Variants in CSMD1 observed in about 807,000 individuals in gnomAD.
The protein encoded by CSMD1 is CUB and sushi domain-containing protein 1.
A neutral mutation model predicts 417.5 loss-of-function variants in CSMD1; 213 were observed. That is an observed-to-expected ratio of 0.51 (90% CI 0.46 to 0.57). CSMD1 has a LOEUF of 0.57. Among genes scored for constraint, CSMD1 ranks in the 20% least tolerant of loss-of-function variants. The probability of loss-of-function intolerance (pLI) is 0.00; values close to 1 mark genes in which losing one functional copy is unlikely to be tolerated. For missense variants in CSMD1, 6,923 were observed against 4,529.7 expected (o/e 1.53, Z -15.17); for synonymous variants, 2,862 against 1,736.8 (o/e 1.65, Z -16.11).
chr8:4,175,885 G>A (rs769894724), intron 3 of CSMD1, among the ~76,000 whole-genome samples: 1 of 152,170 alleles, frequency 6.6e-6, no homozygotes, highest in Non-Finnish European at 1.5e-5. Flanking sequence ...ATGGGGTCCA[G>A]TTGATTTCTA....
At chr8:3,082,094 T>C (rs1814144618) in intron 49 of CSMD1, among the ~76,000 whole-genome samples, 1 of 152,240 alleles carries the variant, frequency 6.6e-6, no homozygotes, top group Admixed American at 6.5e-5. Flanking sequence ...CTCTGTTTCC[T>C]AAGTATTTTC....
At chr8:4,622,133 A>C (rs892418043) in intron 2 of CSMD1, among the ~76,000 whole-genome samples, 2 of 151,736 alleles carry the variant, frequency 1.3e-5, no homozygotes, top group Non-Finnish European at 2.9e-5. Context: ...AGAACGATTA[A>C]TTTATAGAAG....
chr8:4,186,830 T>C (rs1798705602), intron 3 of CSMD1, among the ~76,000 whole-genome samples: 1 of 52,342 alleles, frequency 1.9e-5, no homozygotes, highest in South Asian at 1.6e-3. Context: ...CTACTAAAAA[T>C]ACAGAAAAAA....
chr8:3,270,311 C>G (rs765331734), intron 26 of CSMD1, among the ~76,000 whole-genome samples: 19 of 152,238 alleles, frequency 1.2e-4, no homozygotes, highest in Admixed American at 5.2e-4. Context: ...CTGCCTTGGC[C>G]TCCCAAAGTC....
chr8:3,852,127 A>G (rs978972870), intron 5 of CSMD1, among the ~76,000 whole-genome samples: 5 of 152,198 alleles, frequency 3.3e-5, no homozygotes, highest in African/African-American at 4.8e-5. Context: ...TGCAAAAACC[A>G]TCGATACAAA....
chr8:3,758,072 T>C (rs1300537114), intron 5 of CSMD1, among the ~76,000 whole-genome samples: 1 of 152,082 alleles, frequency 6.6e-6, no homozygotes, highest in Admixed American at 6.5e-5. Flanking sequence ...CAAGTGATTC[T>C]CCTGCCTCAG....
chr8:4,469,047 A>C (rs1800362502), intron 2 of CSMD1, among the ~76,000 whole-genome samples: 1 of 152,214 alleles, frequency 6.6e-6, no homozygotes, highest in South Asian at 2.1e-4. Flanking sequence ...TCTCTAAATG[A>C]AATTTTAATA....
chr8:3,853,891 A>AAATTATAATAAATTAAATT (rs1563147014), intron 5 of CSMD1, among the ~76,000 whole-genome samples: 1 of 144,926 alleles, frequency 6.9e-6, no homozygotes, highest in Non-Finnish European at 1.5e-5. Context: ...TTAATATATT[A>AAATTATAATAAATTAAATT]TACTTTAATA....
chr8:3,696,243 G>A (rs1800545026), intron 7 of CSMD1, among the ~76,000 whole-genome samples: 1 of 152,138 alleles, frequency 6.6e-6, no homozygotes, highest in Non-Finnish European at 1.5e-5. Flanking sequence ...AATTTAGACA[G>A]GCACATTGCT....
intron 5 of CSMD1, among the ~76,000 whole-genome samples, chr8:3,955,015 T>A (rs1006193057): frequency 6.6e-6 from 1 of 152,190 alleles, no homozygotes; most frequent in Non-Finnish European, 1.5e-5. Context: ...GGAAATGGCC[T>A]CTCCTTTGCA....
intron 3 of CSMD1, among the ~76,000 whole-genome samples, chr8:4,254,125 G>C (rs1247989771): frequency 6.6e-6 from 1 of 151,916 alleles, no homozygotes; most frequent in South Asian, 2.1e-4. Context: ...CACCGTGTTA[G>C]CCAGGGTGGT....
intron 54 of CSMD1, among the ~76,000 whole-genome samples, chr8:2,989,852 T>C (rs1806224821): frequency 1.3e-5 from 2 of 152,192 alleles, no homozygotes; most frequent in African/African-American, 4.8e-5. Context: ...CACGGCAGAT[T>C]GGGTGAGTCT....
intron 3 of CSMD1, among the ~76,000 whole-genome samples, chr8:4,061,879 C>T (rs562498598): frequency 3.3e-5 from 5 of 152,148 alleles, no homozygotes; most frequent in Non-Finnish European, 7.3e-5. Flanking sequence ...GACTTGACAA[C>T]TTCTGAGCAT....
chr8:4,119,523 C>T (rs10105601), intron 3 of CSMD1, among the ~76,000 whole-genome samples: 150,705 of 152,272 alleles, frequency 0.99, 74,601 homozygotes, highest in East Asian at 1. Flanking sequence ...AGGTGGGGTG[C>T]TTGGGAAATA....
At chr8:4,377,789 A>T (rs1802849900) in intron 3 of CSMD1, among the ~76,000 whole-genome samples, 1 of 152,226 alleles carries the variant, frequency 6.6e-6, no homozygotes, top group African/African-American at 2.4e-5. Context: ...ACCTTTAAAT[A>T]TCCAAGCGTT....
At chr8:4,654,989 A>G (rs1399954462) in intron 1 of CSMD1, among the ~76,000 whole-genome samples, 1 of 151,456 alleles carries the variant, frequency 6.6e-6, no homozygotes, top group African/African-American at 2.4e-5. Flanking sequence ...CAAATAACTA[A>G]CCATTGTTTG....
At chr8:4,011,545 G>A (rs1020560356) in intron 4 of CSMD1, among the ~76,000 whole-genome samples, 2 of 152,112 alleles carry the variant, frequency 1.3e-5, no homozygotes, top group Non-Finnish European at 1.5e-5. Context: ...AGGCCCACAT[G>A]TCAGCCACAG....
intron 3 of CSMD1, among the ~76,000 whole-genome samples, chr8:4,368,423 G>T (rs527290525): frequency 6.6e-6 from 1 of 152,126 alleles, no homozygotes; most frequent in African/African-American, 2.4e-5. Context: ...ATATTTGCCA[G>T]AAGATTCATT....
At chr8:4,039,894 T>A (rs1797799593) in intron 3 of CSMD1, among the ~76,000 whole-genome samples, 1 of 152,200 alleles carries the variant, frequency 6.6e-6, no homozygotes, top group Admixed American at 6.5e-5. Flanking sequence ...AGATCTTAGT[T>A]TCTACATCTT....
Sources: allele counts gnomAD v4.1 joint callset (sites outside exome capture counted in the v4.1 genomes callset), GRCh38; gene constraint gnomAD v4.1.1; transcripts MANE v1.5; gene names NCBI Gene and HGNC (gene_info 2026-07-23, HGNC 2026-07-21).